The following UBXN2A variants were observed in gnomAD, a reference collection of about 807,000 sequenced individuals.
The protein encoded by UBXN2A is UBX domain protein 2A, also known as UBX domain-containing protein 2A.
UBXN2A carries 28 observed loss-of-function variants against 28.4 expected under a neutral mutation model. The observed-to-expected ratio is 0.99, with a 90% CI of 0.73 to 1.35. The LOEUF (loss-of-function observed/expected upper bound fraction) is 1.35. Ranked by LOEUF, UBXN2A falls within the 40% of genes most tolerant of loss-of-function variation. UBXN2A has a pLI of 0.00. For synonymous variants in UBXN2A, 97 were observed against 103.6 expected, an observed-to-expected ratio of 0.94 and a Z score of 0.39; for missense variants, 253 against 297.9, an observed-to-expected ratio of 0.85 and a Z score of 1.11.
chr2:23,960,724 C>G (rs1304485785), intron 2 of UBXN2A, among the ~76,000 whole-genome samples: 1 of 152,074 alleles, frequency 6.6e-6, no homozygotes, highest in Non-Finnish European at 1.5e-5. Flanking sequence ...CCTCCACCTC[C>G]CAGGTTCAAG....
chr2:23,961,563 T>TTTG lies in UBXN2A; in HGVS notation c.41+3208_41+3209insTTG, dbSNP rs869224645. 6.5e-3 allele frequency among the ~76,000 whole-genome samples: 779 copies of TTTG among 120,254 alleles called. 1 individual carries two copies. Among genetic ancestry groups the TTTG allele is most frequent in the Middle Eastern group, 9.7e-3 (2 of 206 alleles). 78.9% of individuals were successfully genotyped at this position (120,254 alleles called of 152,430 possible). A position where few individuals can be genotyped will look rare whatever the true frequency, so the allele number is the denominator to read the frequency against. ...CCTTTTTTTTTTTTTTTTTTTTTTT[T>TTTG]GGTGAGATGAAGTCTTGCTCTGTCA... On this transcript the variant is annotated intron_variant, in intron 2 of 6. Transcript: ENST00000309033.
At chr2:23,953,434 C>T (rs535038916) in intron 1 of UBXN2A, among the ~76,000 whole-genome samples, 4 of 152,260 alleles carry the variant, frequency 2.6e-5, no homozygotes, top group African/African-American at 9.6e-5. Flanking sequence ...TAGTATTCAT[C>T]AGTCAATATT....
At chr2:23,934,756 G>T (rs1158661749) in intron 1 of UBXN2A, among the ~76,000 whole-genome samples, 1 of 152,154 alleles carries the variant, frequency 6.6e-6, no homozygotes, top group African/African-American at 2.4e-5. Context: ...AGGAAATAAA[G>T]AATAGAGTGG....
chr2:23,971,460 A>G lies in UBXN2A; in HGVS notation c.180+46A>G, dbSNP rs781729371. ...TTTCTTTTTCTTTCAGTGTTTCTCA[A>G]TATATGGACCTGTTAGAGGGTCCCT... On this transcript the variant is annotated intron_variant, in intron 3 of 6. Transcript: ENST00000309033. 28 of 1,478,044 alleles carry G rather than the reference A, an allele frequency of 1.9e-5. No homozygotes were observed. In the East Asian group the frequency reaches 5.3e-4, roughly 28 times the overall value. 91.6% of individuals were successfully genotyped at this position (1,478,044 alleles called of 1,614,324 possible).
chr2:23,998,862 C>G (rs979270021), intron 6 of UBXN2A, among the ~76,000 whole-genome samples: 48 of 152,316 alleles, frequency 3.2e-4, no homozygotes, highest in African/African-American at 1.1e-3. Flanking sequence ...TCCCGAGCAG[C>G]TGGACCTGTC....
intron 4 of UBXN2A, among the ~76,000 whole-genome samples, chr2:23,980,401 C>T (rs1490200011): frequency 6.6e-6 from 1 of 152,094 alleles, no homozygotes; most frequent in Non-Finnish European, 1.5e-5. Context: ...ACATTTCTAC[C>T]AGCTATGTAT....
chr2:23,944,356 C>G, intron 1 of UBXN2A: 3 of 1,533,776 alleles, frequency 2.0e-6, no homozygotes, highest in Non-Finnish European at 2.7e-6. Flanking sequence ...GTGTGAAGAA[C>G]TGAGGTGACC....
rs567958077 is a variant in UBXN2A, at chr2:23,933,937, C to T, written c.-137-5603C>T. On this transcript the variant is annotated intron_variant, in intron 1 of 7. Transcript: ENST00000404924. ...AAAATCAGAACTATTGACATTAGGC[C>T]GGGAGTGGTGGCTCATGCCTGTAAT... 8.5e-5 allele frequency among the ~76,000 whole-genome samples: 13 copies of T among 152,092 alleles called. No homozygotes were observed. In the South Asian group the frequency reaches 1.7e-3, roughly 19 times the overall value.
At chr2:23,948,332 C>T (rs1461719326) in intron 1 of UBXN2A, among the ~76,000 whole-genome samples, 1 of 149,176 alleles carries the variant, frequency 6.7e-6, no homozygotes, top group Admixed American at 6.7e-5. Flanking sequence ...CGGCTCACTG[C>T]AACCTCCACC....
At chr2:23,975,268 CATTCAG>C (rs1272003844) in intron 3 of UBXN2A, among the ~76,000 whole-genome samples, 1 of 152,100 alleles carries the variant, frequency 6.6e-6, no homozygotes, top group Non-Finnish European at 1.5e-5. Flanking sequence ...TCAGATTCCA[CATTCAG>C]ATTCTCAACT....
intron 6 of UBXN2A, among the ~76,000 whole-genome samples, chr2:23,985,585 A>G (rs1469798962): frequency 6.9e-6 from 1 of 144,870 alleles, no homozygotes; most frequent in Non-Finnish European, 1.5e-5. Flanking sequence ...TTCTCTAAAC[A>G]TAATTATGTC....
chr2:23,974,175 T>C (rs1707549232), intron 3 of UBXN2A, among the ~76,000 whole-genome samples: 1 of 150,230 alleles, frequency 6.7e-6, no homozygotes, highest in Non-Finnish European at 1.5e-5. Flanking sequence ...CCACCACACC[T>C]GGCTAATTTT....
intron 2 of UBXN2A, among the ~76,000 whole-genome samples, chr2:23,964,242 C>G (rs1350044780): frequency 6.6e-6 from 1 of 151,200 alleles, no homozygotes; most frequent in East Asian, 1.9e-4. Context: ...CAGAGTTTCG[C>G]TCTTCTTGCC....
chr2:23,935,713 T>C (rs1474049085), upstream of UBXN2A, among the ~76,000 whole-genome samples: 3 of 152,144 alleles, frequency 2.0e-5, no homozygotes, highest in African/African-American at 7.2e-5. Context: ...CTTGAAAAGT[T>C]AAACACAGAA....
At position 23,956,827 on chromosome 2, in the gene UBXN2A, T is replaced by C. The variant is rs147346195; in HGVS notation, c.-14-1474T>C. 6.3e-4 allele frequency among the ~76,000 whole-genome samples: 96 copies of C among 152,310 alleles called. 1 individual carries two copies. Among genetic ancestry groups the C allele is most frequent in the African/African-American group, 2.3e-3 (95 of 41,566 alleles). On this transcript the variant is annotated intron_variant, in intron 1 of 6. Transcript: ENST00000309033. ...ATAGGCACTTGATGTGCTCATTGCTTCTGGTATGTCATTGCTTCCAGGCCT... is the reference window on the plus strand; with the variant it reads ...ATAGGCACTTGATGTGCTCATTGCTCCTGGTATGTCATTGCTTCCAGGCCT...
intron 2 of UBXN2A, among the ~76,000 whole-genome samples, chr2:23,969,961 G>A (rs1707345790): frequency 6.6e-6 from 1 of 152,112 alleles, no homozygotes; most frequent in African/African-American, 2.4e-5. Flanking sequence ...AAAACGCATA[G>A]TAATCCCTTT....
intron 1 of UBXN2A, chr2:23,944,077 CTTTGAGCACAGGGGTCTCTT>C (rs931324180): frequency 1.6e-6 from 1 of 643,946 alleles, no homozygotes; most frequent in Non-Finnish European, 3.0e-6. Context: ...TCTGGTATTG[CTTTGAGCACAGGGGTCTCTT>C]TTTGGCATGT....
upstream of UBXN2A, among the ~76,000 whole-genome samples, chr2:23,939,077 G>A (rs536598315): frequency 2.7e-4 from 41 of 152,248 alleles, no homozygotes; most frequent in South Asian, 8.3e-3. Flanking sequence ...ATCTCAATCT[G>A]AGTCCCCGCA....
intron 1 of UBXN2A, among the ~76,000 whole-genome samples, chr2:23,932,010 C>CA (rs959769962): frequency 1.7e-3 from 229 of 131,058 alleles, no homozygotes; most frequent in African/African-American, 4.4e-3. Flanking sequence ...GACTCCGTCT[C>CA]AAAAAAAAAA....
Sources: allele counts gnomAD v4.1 joint callset (sites outside exome capture counted in the v4.1 genomes callset), GRCh38; gene constraint gnomAD v4.1.1; transcripts MANE v1.5; gene names NCBI Gene and HGNC (gene_info 2026-07-23, HGNC 2026-07-21).